The following NRXN3 variants were observed in gnomAD, a reference collection of about 807,000 sequenced individuals.
NRXN3 encodes neurexin 3, also known as neurexin III.
NRXN3 carries 32 observed loss-of-function variants against 137.6 expected under a neutral mutation model. That is an observed-to-expected ratio of 0.23 (90% CI 0.18 to 0.31). NRXN3 has a LOEUF of 0.31. Among genes scored for constraint, NRXN3 ranks in the 10% least tolerant of loss-of-function variants. The probability of loss-of-function intolerance (pLI) is 1.00; values close to 1 mark genes in which losing one functional copy is unlikely to be tolerated. For synonymous variants in NRXN3, 798 were observed against 784.5 expected (o/e 1.02, Z -0.29); for missense variants, 1,574 against 2,062.5 (o/e 0.76, Z 4.59).
At chr14:79,778,719 T>A (rs1409718401) in intron 19 of NRXN3, among the ~76,000 whole-genome samples, 1 of 152,176 alleles carries the variant, frequency 6.6e-6, no homozygotes, top group Non-Finnish European at 1.5e-5. Context: ...ATTTTCAGGC[T>A]GTATAGTTTA....
chr14:78,278,563 G>A (rs1173721062), intron 2 of NRXN3, 82 bp from the exon 3 acceptor site: 1 of 1,012,242 alleles, frequency 9.9e-7, no homozygotes, highest in South Asian at 1.4e-5. Flanking sequence ...TTGTGTGTGT[G>A]TGTGCTGCTA....
intron 15 of NRXN3, among the ~76,000 whole-genome samples, chr14:79,261,644 A>G (rs1431485442): frequency 3.0e-3 from 31 of 10,248 alleles, no homozygotes; most frequent in Non-Finnish European, 3.8e-3. Context: ...TGTGTGTGTG[A>G]TGGGGTGGGG....
chr14:79,306,674 C>A (rs1388460364), intron 15 of NRXN3, among the ~76,000 whole-genome samples: 1 of 152,068 alleles, frequency 6.6e-6, no homozygotes, highest in Non-Finnish European at 1.5e-5. Flanking sequence ...AAGATGCTAG[C>A]TTTCTACTTT....
At chr14:79,369,551 T>C (rs1335391119) in intron 15 of NRXN3, among the ~76,000 whole-genome samples, 1 of 152,110 alleles carries the variant, frequency 6.6e-6, no homozygotes, top group Non-Finnish European at 1.5e-5. Flanking sequence ...CACTGAGAAA[T>C]TTTGATTGTA....
At chr14:78,814,901 A>G (rs1038264816) in intron 10 of NRXN3, among the ~76,000 whole-genome samples, 7 of 152,338 alleles carry the variant, frequency 4.6e-5, no homozygotes, top group African/African-American at 1.7e-4. Context: ...ATGAATGAAT[A>G]TAGAGAACTA....
chr14:79,220,340 G>T (rs1004950859), intron 15 of NRXN3, among the ~76,000 whole-genome samples: 4 of 152,160 alleles, frequency 2.6e-5, no homozygotes, highest in African/African-American at 9.7e-5. Context: ...AAATTGAGCA[G>T]AAAGTATAGA....
Position 78,801,246 on chromosome 14 carries a change from G to C in NRXN3, c.2045-2374G>C, listed in dbSNP as rs28483494. On this transcript the variant is annotated intron_variant, in intron 8 of 20. Coordinates refer to ENST00000335750, the MANE Select transcript of NRXN3 (RefSeq NM_001330195.2). Reference sequence around the variant, plus strand: ...TGAAGCAAGAGAATGGCATGAACCTGGGAGGCGGAGCTTGCAGTGAGCCGA... The same window carrying C: ...TGAAGCAAGAGAATGGCATGAACCTCGGAGGCGGAGCTTGCAGTGAGCCGA... 2.4e-3 allele frequency among the ~76,000 whole-genome samples: 373 copies of C among 152,296 alleles called. 1 individual carries two copies. Among genetic ancestry groups the C allele is most frequent in the African/African-American group, 8.5e-3 (353 of 41,572 alleles).
At chr14:78,452,967 C>T (rs575183070) in intron 4 of NRXN3, among the ~76,000 whole-genome samples, 24 of 152,260 alleles carry the variant, frequency 1.6e-4, no homozygotes, top group African/African-American at 4.6e-4. Flanking sequence ...GGATAGAATG[C>T]GAAAGTTACA....
intron 10 of NRXN3, among the ~76,000 whole-genome samples, chr14:78,886,251 C>T (rs2099143381): frequency 1.3e-5 from 2 of 152,016 alleles, no homozygotes; most frequent in Admixed American, 6.6e-5. Context: ...GTTTTTATCT[C>T]CTTTTCTAAT....
intron 4 of NRXN3, among the ~76,000 whole-genome samples, chr14:78,360,284 G>A (rs534022974): frequency 6.6e-6 from 1 of 152,236 alleles, no homozygotes; most frequent in Admixed American, 6.5e-5. Flanking sequence ...CCGTCTAGGG[G>A]TCGGGGTCCT....
chr14:78,752,997 ACT>A (rs1026894774), intron 8 of NRXN3, among the ~76,000 whole-genome samples: 1 of 152,016 alleles, frequency 6.6e-6, no homozygotes, highest in African/African-American at 2.4e-5. Flanking sequence ...TGGTGTACAC[ACT>A]CTGCTGCTTC....
At chr14:78,328,234 A>G (rs949745710) in intron 4 of NRXN3, among the ~76,000 whole-genome samples, 3 of 152,138 alleles carry the variant, frequency 2.0e-5, no homozygotes, top group Non-Finnish European at 4.4e-5. Flanking sequence ...CTAGGAAAAA[A>G]TAATTCTCAT....
chr14:79,510,664 C>G (rs2096924109), intron 16 of NRXN3, among the ~76,000 whole-genome samples: 1 of 152,170 alleles, frequency 6.6e-6, no homozygotes, highest in Non-Finnish European at 1.5e-5. Flanking sequence ...AGAGACACTT[C>G]CATCTTTGAA....
At chr14:78,925,072 C>A (rs1209368791) in intron 10 of NRXN3, among the ~76,000 whole-genome samples, 1 of 152,220 alleles carries the variant, frequency 6.6e-6, no homozygotes, top group East Asian at 1.9e-4. Context: ...GACGGAGAGC[C>A]GTGTTTACAA....
intron 15 of NRXN3, among the ~76,000 whole-genome samples, chr14:79,193,025 T>G (rs905202696): frequency 3.9e-5 from 6 of 152,020 alleles, no homozygotes; most frequent in African/African-American, 1.4e-4. Context: ...TGCCTCGGCC[T>G]CCCAAAGTGC....
rs2094640152 is a variant in NRXN3 at position 78,454,672 on chromosome 14, CAT to C, written c.757+156814_757+156815del. The stretch of plus-strand genomic sequence containing the variant: ...GAGTCAGGATCTATGATGAGAAAAA[CAT>C]AAGGTGCTATGGTGCATAGAAGATG... On this transcript the variant is annotated intron_variant, in intron 4 of 20. Coordinates refer to ENST00000335750, the MANE Select transcript of NRXN3 (RefSeq NM_001330195.2). Among the ~76,000 whole-genome samples the C allele has an allele frequency of 3.3e-5, 5 of 152,250 alleles. No individual in the cohort carries two copies. The East Asian group carries it at 9.7e-4, about 29-fold the overall frequency.
At chr14:78,691,205 A>G (rs2098167785) in intron 6 of NRXN3, among the ~76,000 whole-genome samples, 1 of 152,184 alleles carries the variant, frequency 6.6e-6, no homozygotes, top group South Asian at 2.1e-4. Context: ...GTAGAACATC[A>G]GTAATATTAT....
chr14:78,484,079 A>T (rs2095522230), intron 4 of NRXN3, among the ~76,000 whole-genome samples: 1 of 151,888 alleles, frequency 6.6e-6, no homozygotes, highest in Non-Finnish European at 1.5e-5. Context: ...ATAAAGATAC[A>T]TTTCTGTTCT....
chr14:78,630,600 T>TC (rs1300991320), intron 4 of NRXN3, among the ~76,000 whole-genome samples: 42 of 149,958 alleles, frequency 2.8e-4, no homozygotes, highest in East Asian at 5.9e-4. Flanking sequence ...TTTCTTTCTT[T>TC]TTTTTTTTTT....
Sources: allele counts gnomAD v4.1 joint callset (sites outside exome capture counted in the v4.1 genomes callset), GRCh38; gene constraint gnomAD v4.1.1; transcripts MANE v1.5; gene names NCBI Gene and HGNC (gene_info 2026-07-23, HGNC 2026-07-21).